The following MDFIC variants were observed in gnomAD, a reference collection of about 807,000 sequenced individuals.
MDFIC encodes myoD family inhibitor domain-containing protein.
In MDFIC, 17 loss-of-function variants were observed where a neutral mutation model predicts 23.2. The observed-to-expected ratio is 0.73, with a 90% CI of 0.50 to 1.10. The LOEUF (loss-of-function observed/expected upper bound fraction) is 1.10. Ranked by LOEUF, MDFIC falls within the 50% of genes least tolerant of loss-of-function variation. The pLI, the probability that MDFIC is intolerant of heterozygous loss-of-function variation, is 0.00. For missense variants in MDFIC, 356 were observed against 316.6 expected, an observed-to-expected ratio of 1.12 and a Z score of -0.95; for synonymous variants, 120 against 115.2, an observed-to-expected ratio of 1.04 and a Z score of -0.27.
intron 3 of MDFIC, among the ~76,000 whole-genome samples, chr7:114,954,164 T>A (rs1033585954): frequency 6.6e-6 from 1 of 152,216 alleles, no homozygotes; most frequent in Non-Finnish European, 1.5e-5. Flanking sequence ...TACCTTGGAC[T>A]TTTTTATTAT....
At chr7:114,946,828 C>T (rs532273115) in intron 3 of MDFIC, among the ~76,000 whole-genome samples, 29 of 152,138 alleles carry the variant, frequency 1.9e-4, no homozygotes, top group Admixed American at 3.3e-4. Context: ...TTGCTCTCAA[C>T]ATCAACAGGC....
intron 2 of MDFIC, among the ~76,000 whole-genome samples, chr7:114,932,924 A>G (rs1373607508): frequency 6.6e-6 from 1 of 152,204 alleles, no homozygotes; most frequent in Non-Finnish European, 1.5e-5. Flanking sequence ...CTTTGCCACT[A>G]TTTGGAAAGC....
chr7:114,985,325 G>A (rs958694535), intron 4 of MDFIC, among the ~76,000 whole-genome samples: 2 of 152,104 alleles, frequency 1.3e-5, no homozygotes, highest in African/African-American at 2.4e-5. Context: ...TAGTATTAAG[G>A]TTCATAGAGG....
chr7:114,955,332 T>C (rs551293569), intron 3 of MDFIC, among the ~76,000 whole-genome samples: 2 of 152,308 alleles, frequency 1.3e-5, no homozygotes, highest in East Asian at 3.9e-4. Context: ...CTCTGTCCAC[T>C]TGTCTAGTAT....
chr7:114,975,303 T>C (rs1793289525), intron 3 of MDFIC, among the ~76,000 whole-genome samples: 1 of 152,112 alleles, frequency 6.6e-6, no homozygotes, highest in Non-Finnish European at 1.5e-5. Flanking sequence ...AAACAACTCA[T>C]AAGTTCTACA....
At chr7:114,950,070 A>C (rs1309539833) in intron 3 of MDFIC, among the ~76,000 whole-genome samples, 1 of 152,214 alleles carries the variant, frequency 6.6e-6, no homozygotes, top group Admixed American at 6.5e-5. Flanking sequence ...AAAGTATTGA[A>C]GGGAGTAGTG....
chr7:114,952,160 T>G (rs1367064049), intron 3 of MDFIC, among the ~76,000 whole-genome samples: 1 of 152,224 alleles, frequency 6.6e-6, no homozygotes, highest in Non-Finnish European at 1.5e-5. Context: ...AAGGAGTTTT[T>G]CTGGGCTTGG....
intron 2 of MDFIC, among the ~76,000 whole-genome samples, chr7:114,933,203 A>G (rs1792357411): frequency 6.6e-6 from 1 of 151,378 alleles, no homozygotes; most frequent in Admixed American, 6.6e-5. Context: ...AAGACTAAAG[A>G]TGGGTGTGAA....
chr7:114,937,786 T>C (rs1371760452), intron 2 of MDFIC, among the ~76,000 whole-genome samples: 2 of 152,200 alleles, frequency 1.3e-5, no homozygotes, highest in African/African-American at 2.4e-5. Flanking sequence ...AGAGTAAACA[T>C]ACTAGGATGC....
At chr7:114,979,810 T>A in intron 4 of MDFIC, 29 bp downstream of exon 4, 9 of 1,600,396 alleles carry the variant, frequency 5.6e-6, no homozygotes, top group Non-Finnish European at 7.7e-6. Context: ...TAGATTTTAT[T>A]TGACCAGATG....
chr7:114,984,833 T>G (rs892970132), intron 4 of MDFIC, among the ~76,000 whole-genome samples: 1 of 152,228 alleles, frequency 6.6e-6, no homozygotes, highest in Non-Finnish European at 1.5e-5. Flanking sequence ...AAAAATTAAG[T>G]TCTAACAAAA....
At chr7:114,949,312 T>C (rs1792712915) in intron 3 of MDFIC, among the ~76,000 whole-genome samples, 1 of 152,172 alleles carries the variant, frequency 6.6e-6, no homozygotes, top group Admixed American at 6.6e-5. Flanking sequence ...GATTTATTCC[T>C]CTCCTATTGG....
intron 2 of MDFIC, among the ~76,000 whole-genome samples, chr7:114,929,919 C>A (rs1304857222): frequency 1.3e-5 from 2 of 151,946 alleles, no homozygotes; most frequent in Non-Finnish European, 2.9e-5. Flanking sequence ...TGGGAATATT[C>A]CTCTTTGAGA....
intron 4 of MDFIC, among the ~76,000 whole-genome samples, chr7:114,985,478 C>T (rs1447837565): frequency 1.3e-5 from 2 of 151,820 alleles, no homozygotes; most frequent in Non-Finnish European, 1.5e-5. Context: ...TTCTCTCTCT[C>T]TCTCTGTGTG....
At chr7:114,965,835 T>C (rs1367217004) in intron 3 of MDFIC, among the ~76,000 whole-genome samples, 2 of 152,238 alleles carry the variant, frequency 1.3e-5, no homozygotes, top group Non-Finnish European at 2.9e-5. Flanking sequence ...GTTATTTCAT[T>C]TTTTCTTACA....
At chr7:115,012,062 A>G (rs1791693888) in intron 4 of MDFIC, among the ~76,000 whole-genome samples, 1 of 152,232 alleles carries the variant, frequency 6.6e-6, no homozygotes, top group Admixed American at 6.5e-5. Context: ...AACAAGATTT[A>G]ATTTGGCTTT....
intron 3 of MDFIC, among the ~76,000 whole-genome samples, chr7:114,975,749 A>C (rs1396001413): frequency 6.6e-6 from 1 of 152,128 alleles, no homozygotes; most frequent in Admixed American, 6.6e-5. Context: ...ATAATTAACA[A>C]TAAAGTTAAA....
Position 115,015,743 on chromosome 7 carries a change from C to A in MDFIC, c.549C>A (p.Cys183Ter). Residue 183 changes from cysteine (C) to a stop codon, truncating the protein, a stop_gained, in exon 5 of 5, where the codon TGC (cysteine) becomes TGA (stop). Transcript: ENST00000393486. LOFTEE classifies it high-confidence loss of function. ...ACLFCEFLTL[C>*]NIVLGQASCG... ...TGTTCTGCGAATTCCTGACCCTTTG[C>A]AACATTGTCCTGGGACAAGCGTCAT... The A allele has an allele frequency of 6.2e-7, 1 of 1,614,184 alleles. No homozygotes were observed. Among genetic ancestry groups the A allele is most frequent in the Non-Finnish European group, 8.5e-7 (1 of 1,180,038 alleles).
rs558133004 is a variant in MDFIC, at chr7:114,927,432, CCTCT to C, written c.94+4308_94+4311del. On this transcript the variant is annotated intron_variant, in intron 2 of 4. Coordinates refer to ENST00000393486, the MANE Select transcript of MDFIC (RefSeq NM_001166345.3). ...CACTCCATGTAAACTCTCTAATAATCCTCTCTAAGATTTTTTGTCATACGCTTCA... is the reference window on the plus strand; with the variant it reads ...CACTCCATGTAAACTCTCTAATAATCCTAAGATTTTTTGTCATACGCTTCA... Among the ~76,000 whole-genome samples the C allele has an allele frequency of 2.1e-3, 320 of 150,980 alleles. 1 individual carries two copies. The highest frequency in any genetic ancestry group is 6.2e-3 in the African/African-American group (254 of 41,146).
Sources: allele counts gnomAD v4.1 joint callset (sites outside exome capture counted in the v4.1 genomes callset), GRCh38; gene constraint gnomAD v4.1.1; transcripts MANE v1.5; gene names NCBI Gene and HGNC (gene_info 2026-07-23, HGNC 2026-07-21).